Variants in PTER observed in about 807,000 individuals in gnomAD.
The protein encoded by PTER is N-acetyltaurine hydrolase.
Under a neutral mutation model 29.6 loss-of-function variants are expected in PTER, and 38 were observed. That is an observed-to-expected ratio of 1.28 (90% CI 0.99 to 1.68). PTER has a LOEUF of 1.68. Among genes scored for constraint, PTER ranks in the 40% most tolerant of loss-of-function variants. The probability of loss-of-function intolerance (pLI) is 0.00; values close to 1 mark genes in which losing one functional copy is unlikely to be tolerated. For missense variants in PTER, 482 were observed against 427.8 expected, an observed-to-expected ratio of 1.13 and a Z score of -1.12; for synonymous variants, 172 against 154.5, an observed-to-expected ratio of 1.11 and a Z score of -0.84.
intron 1 of PTER, among the ~76,000 whole-genome samples, chr10:16,439,351 A>G (rs1441587888): frequency 6.6e-6 from 1 of 152,186 alleles, no homozygotes; most frequent in African/African-American, 2.4e-5. Flanking sequence ...GCATTTCTGA[A>G]AAAAAATGCA....
chr10:16,461,103 A>T (rs1296562773), intron 1 of PTER, among the ~76,000 whole-genome samples: 1 of 152,222 alleles, frequency 6.6e-6, no homozygotes, highest in Non-Finnish European at 1.5e-5. Context: ...TTGCATAATT[A>T]TATAAGTATA....
At chr10:16,507,952 T>C (rs1477612366) in intron 4 of PTER, among the ~76,000 whole-genome samples, 1 of 152,258 alleles carries the variant, frequency 6.6e-6, no homozygotes, top group East Asian at 1.9e-4. Context: ...TAAGGGCATC[T>C]GGAATTTAAA....
At chr10:16,452,218 C>CACACACACACACACAT (rs1313573219) in intron 1 of PTER, among the ~76,000 whole-genome samples, 1 of 146,238 alleles carries the variant, frequency 6.8e-6, no homozygotes, top group African/African-American at 2.8e-5. Flanking sequence ...CACACACACA[C>CACACACACACACACAT]ACATATATAT....
At chr10:16,461,413 G>A (rs145862953) in intron 1 of PTER, among the ~76,000 whole-genome samples, 192 of 151,708 alleles carry the variant, frequency 1.3e-3, no homozygotes, top group African/African-American at 4.4e-3. Context: ...AGACTTTTTC[G>A]CTAGAGAATT....
chr10:16,471,320 A>G (rs950459578), intron 1 of PTER, among the ~76,000 whole-genome samples: 1 of 152,222 alleles, frequency 6.6e-6, no homozygotes, highest in African/African-American at 2.4e-5. Flanking sequence ...CAAAATGTAT[A>G]TGTTACTATT....
intron 1 of PTER, among the ~76,000 whole-genome samples, chr10:16,466,676 T>C (rs1388133552): frequency 6.6e-6 from 1 of 152,218 alleles, no homozygotes; most frequent in Non-Finnish European, 1.5e-5. Context: ...CAACTCTGGA[T>C]TAACAAAACG....
chr10:16,503,841 T>C (rs944808710), intron 3 of PTER, among the ~76,000 whole-genome samples: 2 of 152,194 alleles, frequency 1.3e-5, no homozygotes, highest in Admixed American at 1.3e-4. Context: ...CACAAAGTAG[T>C]GCTTTAATCC....
At chr10:16,483,252 G>T (rs944586994) in intron 1 of PTER, among the ~76,000 whole-genome samples, 1 of 152,130 alleles carries the variant, frequency 6.6e-6, no homozygotes, top group Non-Finnish European at 1.5e-5. Flanking sequence ...AGAGATAGCC[G>T]ATTTCAGTTT....
chr10:16,500,569 C>T (rs1469464967), intron 3 of PTER, among the ~76,000 whole-genome samples: 1 of 152,072 alleles, frequency 6.6e-6, no homozygotes, highest in Admixed American at 6.5e-5. Context: ...ACTTTTGAAA[C>T]TTACATGTGT....
chr10:16,511,096 A>C lies in PTER; in HGVS notation c.890A>C (p.His297Pro). The C allele has an allele frequency of 6.2e-7, 1 of 1,614,114 alleles. No homozygotes were observed. Residue 297 changes from histidine (H) to proline (P), a missense_variant, in exon 5 of 5, where the codon CAT becomes CCT. Coordinates refer to ENST00000535784, the MANE Select transcript of PTER (RefSeq NM_001261836.2). ...EGCEDRILVA[H>P]DIHTKTRLMK... Reference sequence around the variant, plus strand: ...TGTGAAGATCGAATTCTGGTAGCACATGACATACATACGAAAACCCGGCTG... The same window carrying C: ...TGTGAAGATCGAATTCTGGTAGCACCTGACATACATACGAAAACCCGGCTG...
intron 1 of PTER, among the ~76,000 whole-genome samples, chr10:16,457,740 C>CTGT (rs1834464489): frequency 6.6e-6 from 1 of 151,984 alleles, no homozygotes; most frequent in Non-Finnish European, 1.5e-5. Context: ...ACTGGCACTA[C>CTGT]AGGTGCGTGC....
intron 1 of PTER, among the ~76,000 whole-genome samples, chr10:16,450,654 A>C (rs369519509): frequency 6.6e-6 from 1 of 152,182 alleles, no homozygotes; most frequent in South Asian, 2.1e-4. Flanking sequence ...CCCTTTGTCT[A>C]CAGGAGATAA....
intron 3 of PTER, among the ~76,000 whole-genome samples, chr10:16,493,471 A>G (rs996234255): frequency 6.6e-6 from 1 of 152,008 alleles, no homozygotes; most frequent in African/African-American, 2.4e-5. Flanking sequence ...GGGACTTGCT[A>G]TGTTTCCCAA....
At chr10:16,452,043 T>G (rs1055697915) in intron 1 of PTER, among the ~76,000 whole-genome samples, 8 of 152,172 alleles carry the variant, frequency 5.3e-5, no homozygotes, top group African/African-American at 1.9e-4. Context: ...TTACTTTAGC[T>G]CCATCCTAAA....
intron 3 of PTER, among the ~76,000 whole-genome samples, chr10:16,498,311 A>G (rs12220247): frequency 0.53 from 81,044 of 152,078 alleles, 22,143 homozygotes; most frequent in East Asian, 0.84. Flanking sequence ...AGTGTCTCAC[A>G]CTGTAATCCC....
intron 1 of PTER, among the ~76,000 whole-genome samples, chr10:16,438,725 C>G (rs1055088329): frequency 2.6e-5 from 4 of 151,064 alleles, no homozygotes; most frequent in South Asian, 2.1e-4. Flanking sequence ...GCCAGGAGTT[C>G]GAGACCAGCC....
chr10:16,499,254 G>T lies in PTER; in HGVS notation c.699-5766G>T, dbSNP rs561048701. Among the ~76,000 whole-genome samples, 31 of 151,864 alleles carry T rather than the reference G, an allele frequency of 2.0e-4. No homozygotes were observed. The South Asian group carries it at 6.3e-3, about 31-fold the overall frequency. On this transcript the variant is annotated intron_variant, in intron 3 of 4. Transcript: ENST00000535784. ...TCAGGTGTTGATTTTCTTGTTTCCC[G>T]TCCCACCCCTTATTAATATCTCATA...
chr10:16,458,395 C>T (rs1402902818), intron 1 of PTER, among the ~76,000 whole-genome samples: 3 of 152,038 alleles, frequency 2.0e-5, no homozygotes, highest in Non-Finnish European at 4.4e-5. Flanking sequence ...TGTGCTTATG[C>T]GATTATGATA....
intron 1 of PTER, among the ~76,000 whole-genome samples, chr10:16,469,997 C>T (rs571221918): frequency 6.6e-6 from 1 of 151,916 alleles, no homozygotes; most frequent in African/African-American, 2.4e-5. Flanking sequence ...GAGTGCTGGG[C>T]TTGGCACATG....
Sources: gnomAD v4.1 joint callset for allele counts (sites outside exome capture counted in the v4.1 genomes callset) on GRCh38, gnomAD v4.1.1 for gene constraint, MANE v1.5 for transcripts, NCBI Gene and HGNC (gene_info 2026-07-23, HGNC 2026-07-21) for gene names.